The following VWF variants were observed in gnomAD, a reference collection of about 807,000 sequenced individuals.
VWF encodes von Willebrand factor, also known as Factor VIII related antigen.
In VWF, 176 loss-of-function variants were observed where a neutral mutation model predicts 308.6. The ratio of observed to expected loss-of-function variants is 0.57; its 90% CI spans 0.50 to 0.65. The LOEUF (loss-of-function observed/expected upper bound fraction) is 0.65. Ranked by LOEUF, VWF falls within the 30% of genes least tolerant of loss-of-function variation. The pLI, the probability that VWF is intolerant of heterozygous loss-of-function variation, is 0.00. For synonymous variants in VWF, 1,385 were observed against 1,443.4 expected, an observed-to-expected ratio of 0.96 and a Z score of 0.92; for missense variants, 3,146 against 3,648.2, an observed-to-expected ratio of 0.86 and a Z score of 3.55.
intron 34 of VWF, among the ~76,000 whole-genome samples, chr12:6,009,653 T>C (rs1714259999): frequency 6.6e-6 from 1 of 152,102 alleles, no homozygotes; most frequent in African/African-American, 2.4e-5. Context: ...GAAATCAGGA[T>C]CTCAAAAAGG....
intron 6 of VWF, among the ~76,000 whole-genome samples, chr12:6,090,414 G>A (rs549010052): frequency 2.0e-5 from 3 of 152,298 alleles, no homozygotes; most frequent in African/African-American, 7.2e-5. Context: ...ACCTCAAGCT[G>A]TGCTCGGCTA....
intron 38 of VWF, among the ~76,000 whole-genome samples, chr12:5,985,945 G>T (rs960128030): frequency 6.6e-6 from 1 of 152,224 alleles, no homozygotes; most frequent in Non-Finnish European, 1.5e-5. Flanking sequence ...AAAGAAAAAT[G>T]AGAGTTCTTG....
At chr12:6,095,921 A>C in intron 5 of VWF, 3 of 358,814 alleles carry the variant, frequency 8.4e-6, no homozygotes, top group Non-Finnish European at 1.6e-5. Context: ...ATCCTCCCCC[A>C]TCAGCCTCCC....
chr12:6,051,121 T>A (rs578197774), intron 16 of VWF, among the ~76,000 whole-genome samples: 5 of 152,242 alleles, frequency 3.3e-5, no homozygotes, highest in Admixed American at 6.5e-5. Flanking sequence ...ACAGCTTTTT[T>A]AAAAAACTAT....
chr12:6,109,673 C>T (rs1005122186), intron 5 of VWF, among the ~76,000 whole-genome samples: 13 of 151,618 alleles, frequency 8.6e-5, no homozygotes, highest in East Asian at 3.9e-4. Flanking sequence ...TTTTTTGAGA[C>T]GGAGTCTCGC....
Position 5,949,223 on chromosome 12 carries a change from G to T in VWF, c.8254-20C>A. 6.2e-7 allele frequency: 1 copy of T among 1,611,888 alleles called. No individual in the cohort carries two copies. The highest frequency in any genetic ancestry group is 8.5e-7 in the Non-Finnish European group (1 of 1,179,706). ...TTTGCCCTGCAAGAAAGCAGAGGAAGATGGGAGCTTCACAATGGTGGGAAG... is the reference window on the plus strand; with the variant it reads ...TTTGCCCTGCAAGAAAGCAGAGGAATATGGGAGCTTCACAATGGTGGGAAG... On this transcript the variant is annotated intron_variant, in intron 51 of 51. Coordinates refer to ENST00000261405, the MANE Select transcript of VWF (RefSeq NM_000552.5).
At position 6,052,620 on chromosome 12, in the gene VWF, G is replaced by A. The variant is rs766778121; in HGVS notation, c.2109C>T (p.Pro703=). The change falls in exon 16 of 52, where the codon CCC becomes CCT. Residue 703 remains proline, a synonymous_variant. Coordinates refer to ENST00000261405, the MANE Select transcript of VWF (RefSeq NM_000552.5). ...CATAGTAACAGGGGCACTGGGCCTT[G>A]GGCACGCAGTCCCCCCTCTCATCCA... ...LYMDERGDCV[P]KAQCPCYYDG... is the part of the protein sequence containing the mutation. The A allele has an allele frequency of 2.8e-5, 45 of 1,614,126 alleles. No homozygotes were observed. The highest frequency in any genetic ancestry group is 3.7e-5 in the Non-Finnish European group (44 of 1,180,062).
chr12:6,071,249 C>A (rs368901622), intron 10 of VWF, 48 bp downstream of exon 10: 8 of 1,609,222 alleles, frequency 5.0e-6, no homozygotes, highest in Non-Finnish European at 6.8e-6. Context: ...GAGGAGACGC[C>A]TCCCCGATTC....
Position 6,096,355 on chromosome 12 carries a change from A to T in VWF, c.533-771T>A, listed in dbSNP as rs181973107. ...CCTCCAGGTGTGGTCCTGGTGAGTG[A>T]ATGGTCCTTTCTGAACAGCTCTACT... is the stretch of plus-strand genomic sequence containing the variant. On this transcript the variant is annotated intron_variant, in intron 5 of 51. Coordinates refer to ENST00000261405, the MANE Select transcript of VWF (RefSeq NM_000552.5). 1.1e-4 allele frequency among the ~76,000 whole-genome samples: 16 copies of T among 152,214 alleles called. No homozygotes were observed. The East Asian group carries it at 2.9e-3, about 28-fold the overall frequency.
Position 6,046,850 on chromosome 12 carries a change from G to C in VWF, c.2187-33C>G. The C allele has an allele frequency of 6.2e-7, 1 of 1,601,052 alleles. No homozygotes were observed. The highest frequency in any genetic ancestry group is 8.5e-7 in the Non-Finnish European group (1 of 1,170,128). On this transcript the variant is annotated intron_variant, in intron 16 of 51. Transcript: ENST00000261405. The surrounding 1 kb of genome is among the most constrained non-coding windows in gnomAD (Gnocchi z 5.0). ...GAAGAAAATCATAGCCGAGCTTCAC[G>C]AGACTCGTCTATACTCGCTGCCTCC...
At chr12:5,964,246 A>ACATACATACATG (rs1315704709) in intron 47 of VWF, among the ~76,000 whole-genome samples, 29 of 133,244 alleles carry the variant, frequency 2.2e-4, no homozygotes, top group African/African-American at 9.6e-4. Context: ...ATACATACAT[A>ACATACATACATG]CATGCATACA....
intron 13 of VWF, among the ~76,000 whole-genome samples, chr12:6,059,370 G>T (rs571169657): frequency 6.6e-6 from 1 of 152,208 alleles, no homozygotes; most frequent in Non-Finnish European, 1.5e-5. Flanking sequence ...ATGAGGCAAG[G>T]ATTTTTGTCT....
intron 5 of VWF, among the ~76,000 whole-genome samples, chr12:6,106,875 C>CTA (rs1945250249): frequency 2.9e-5 from 1 of 34,812 alleles, no homozygotes; most frequent in African/African-American, 9.9e-5. Context: ...AACTCCGACT[C>CTA]AAAAAAAAAA....
intron 28 of VWF, among the ~76,000 whole-genome samples, chr12:6,017,438 C>T (rs1565830994): frequency 1.3e-5 from 2 of 151,994 alleles, no homozygotes; most frequent in South Asian, 2.1e-4. Context: ...AATCTATGGC[C>T]GTGAATAAAA....
intron 47 of VWF, among the ~76,000 whole-genome samples, chr12:5,962,538 C>CTTTTTTT (rs35124526): frequency 4.9e-5 from 5 of 101,604 alleles, no homozygotes; most frequent in Non-Finnish European, 7.9e-5. Context: ...ACAGGCAATT[C>CTTTTTTT]TTTTTTTTTT....
chr12:5,975,157 A>G (rs4764521), intron 43 of VWF, among the ~76,000 whole-genome samples: 128,829 of 152,194 alleles, frequency 0.85, 54,896 homozygotes, highest in African/African-American at 0.93. Flanking sequence ...CCCAAATGCA[A>G]GTAGAATAGC....
intron 5 of VWF, chr12:6,095,975 G>T (rs1555074230): frequency 3.0e-6 from 1 of 337,148 alleles, no homozygotes; most frequent in Non-Finnish European, 5.8e-6. Flanking sequence ...CCAGGCTCTA[G>T]GTCTGTTTTT....
In VWF at chr12:6,019,218, G is replaced by A. The variant is rs760887338; in HGVS notation, c.4200C>T (p.Tyr1400=). 1.1e-5 allele frequency: 18 copies of A among 1,613,850 alleles called. No individual in the cohort carries two copies. Among genetic ancestry groups the A allele is most frequent in the African/African-American group, 1.3e-5 (1 of 74,910 alleles). The change falls in exon 28 of 52, where the codon TAC becomes TAT. Residue 1400 remains tyrosine (Y), a synonymous_variant. Coordinates refer to ENST00000261405, the MANE Select transcript of VWF (RefSeq NM_000552.5). The surrounding 1 kb of genome is among the most constrained non-coding windows in gnomAD (Gnocchi z 5.8). ...PQRMSRNFVR[Y]VQGLKKKKVI... is the part of the protein sequence containing the mutation. ...CCTTCTTCTTCTTCAGGCCCTGGAC[G>A]TAGCGGACAAAGTTCCGGGACATCC...
intron 34 of VWF, among the ~76,000 whole-genome samples, chr12:6,009,517 T>C (rs1207934165): frequency 1.3e-5 from 2 of 151,768 alleles, no homozygotes; most frequent in African/African-American, 4.8e-5. Context: ...CCCTTGTGCA[T>C]TGATGGTAGG....
Sources: gnomAD v4.1 joint callset for allele counts (sites outside exome capture counted in the v4.1 genomes callset) on GRCh38, gnomAD v4.1.1 for gene constraint, Gnocchi (gnomAD v3.1) non-coding constraint, MANE v1.5 for transcripts, NCBI Gene and HGNC (gene_info 2026-07-23, HGNC 2026-07-21) for gene names.